The following KIAA1191 variants were observed in gnomAD, a reference collection of about 807,000 sequenced individuals.
KIAA1191 encodes the protein KIAA1191.
Under a neutral mutation model 31.1 loss-of-function variants are expected in KIAA1191, and 22 were observed. That is an observed-to-expected ratio of 0.71 (90% CI 0.51 to 1.01). The LOEUF is 1.01. Among genes scored for constraint, KIAA1191 ranks in the 50% least tolerant of loss-of-function variants. KIAA1191 has a pLI of 0.00. For synonymous variants in KIAA1191, 130 were observed against 143.9 expected (o/e 0.90, Z 0.69); for missense variants, 319 against 388.0 (o/e 0.82, Z 1.49).
Position 176,347,764 on chromosome 5 carries a change from G to T in KIAA1191, c.754C>A (p.Pro252Thr). ...QAYRGAQKPS[P>T]LELIRAQANR... is the part of the protein sequence containing the mutation. ...GCCTGGGCACGTATCAGTTCCAATG[G>T]AGAGGGCTTCTGGGCTCCTCGGTAG... The change falls in exon 9 of 9, where the codon CCA (proline) becomes ACA (threonine). Residue 252 changes from proline (P) to threonine (T), a missense_variant. Physicochemically the swap from Pro to Thr is conservative, Grantham distance 38 (BLOSUM62 -1). Transcript: ENST00000298569. The T allele has an allele frequency of 6.2e-7, 1 of 1,609,232 alleles. No individual in the cohort carries two copies. Among genetic ancestry groups the T allele is most frequent in the Non-Finnish European group, 8.5e-7 (1 of 1,177,826 alleles).
intron 6 of KIAA1191, chr5:176,348,852 T>C (rs963618060): frequency 6.4e-6 from 1 of 157,126 alleles, no homozygotes; most frequent in Non-Finnish European, 1.4e-5. Context: ...CTCCTCCTTC[T>C]CTCCCATAGT....
In KIAA1191 at chr5:176,346,209, A is replaced by C. The variant is rs1766489737; in HGVS notation, c.*1391T>G. 2 of 152,214 alleles carry C rather than the reference A, an allele frequency of 1.3e-5. No individual in the cohort carries two copies. The highest frequency in any genetic ancestry group is 4.1e-4 in the South Asian group (2 of 4,826). 9.4% of individuals were successfully genotyped at this position (152,214 alleles called of 1,614,324 possible). ...CAGACAAGGTACTATCCAAAACAAAAAGCAGGTATTTGAGACAGTGTTCAA... is the reference window on the plus strand; with the variant it reads ...CAGACAAGGTACTATCCAAAACAAACAGCAGGTATTTGAGACAGTGTTCAA... On this transcript the variant is annotated 3_prime_UTR_variant, in exon 9 of 9. Coordinates refer to ENST00000298569, the MANE Select transcript of KIAA1191 (RefSeq NM_020444.5).
intron 5 of KIAA1191, 141 bp from the exon 6 acceptor site, chr5:176,350,878 G>A: frequency 9.8e-7 from 1 of 1,018,490 alleles, no homozygotes; most frequent in African/African-American, 1.6e-5. Context: ...TCCCCAGAGA[G>A]GCACCACAGC....
In KIAA1191 at chr5:176,351,328, A is replaced by G. The variant is rs551763257; in HGVS notation, c.335-591T>C. Among the ~76,000 whole-genome samples the G allele has an allele frequency of 9.9e-5, 15 of 151,220 alleles. No individual in the cohort carries two copies. In the South Asian group the frequency reaches 1.7e-3, roughly 17 times the overall value. ...TGCACTCCAGCCTGGGCGACAGAGC[A>G]AGACTCCATCTCAAAAAAAAAAAAA... On this transcript the variant is annotated intron_variant, in intron 5 of 8. Coordinates refer to ENST00000298569, the MANE Select transcript of KIAA1191 (RefSeq NM_020444.5).
chr5:176,347,639 T>C lies in KIAA1191; in HGVS notation c.879A>G (p.Lys293=), dbSNP rs776323458. 1 of 1,539,870 alleles carries C rather than the reference T, an allele frequency of 6.5e-7. No homozygotes were observed. Among genetic ancestry groups the C allele is most frequent in the Non-Finnish European group, 8.7e-7 (1 of 1,145,896 alleles). ...GTGTGAGCACATTCAGGTCACGGGG[T>C]TTGAGGTTATGGGCCCGTGGTGGCT... ...KKQPPRAHNL[K]PRDLNVLTPT... The change falls in exon 9 of 9, where the codon AAA becomes AAG. Residue 293 remains lysine (K), a synonymous_variant. Coordinates refer to ENST00000298569, the MANE Select transcript of KIAA1191 (RefSeq NM_020444.5).
In KIAA1191 at chr5:176,361,053, T is replaced by TATTG. The variant is rs1767960919; in HGVS notation, c.-168+548_-168+549insCAAT. The stretch of plus-strand genomic sequence containing the variant: ...ACAGAGCAAACAAGTTATTGATAGT[T>TATTG]CTTCACTAACGAGCATCGCAAAGGC... On this transcript the variant is annotated intron_variant, in intron 1 of 8. Transcript: ENST00000298569. The surrounding 1 kb of genome is among the most constrained non-coding windows in gnomAD (Gnocchi z 4.0). The TATTG allele has an allele frequency of 6.6e-6, 1 of 152,154 alleles. No individual in the cohort carries two copies. The highest frequency in any genetic ancestry group is 2.4e-5 in the African/African-American group (1 of 41,400). The allele number at this position is 152,154 out of a possible 1,614,324, so 9.4% of individuals were successfully genotyped here.
intron 3 of KIAA1191, among the ~76,000 whole-genome samples, chr5:176,356,942 G>A (rs1767554089): frequency 6.6e-6 from 1 of 152,166 alleles, no homozygotes; most frequent in African/African-American, 2.4e-5. Context: ...GAGGTTGCCA[G>A]GGAGTGGGTG....
chr5:176,350,754 T>A lies in KIAA1191; in HGVS notation c.335-17A>T. The A allele has an allele frequency of 6.2e-7, 1 of 1,613,320 alleles. No homozygotes were observed. Among genetic ancestry groups the A allele is most frequent in the Non-Finnish European group, 8.5e-7 (1 of 1,179,798 alleles). On this transcript the variant is annotated splice_polypyrimidine_tract_variant and intron_variant, in intron 5 of 8. Coordinates refer to ENST00000298569, the MANE Select transcript of KIAA1191 (RefSeq NM_020444.5). ...GGGTCTGTTCTGGGAACAGAGGAGATGACAGTCATGCCCATTCCCCTCTCC... is the reference window on the plus strand; with the variant it reads ...GGGTCTGTTCTGGGAACAGAGGAGAAGACAGTCATGCCCATTCCCCTCTCC...
chr5:176,356,381 G>A (rs1767509415), intron 3 of KIAA1191, among the ~76,000 whole-genome samples: 1 of 152,200 alleles, frequency 6.6e-6, no homozygotes, highest in Non-Finnish European at 1.5e-5. Flanking sequence ...GGGGTAAAGT[G>A]ACCTTCCCAA....
chr5:176,359,618 T>C, intron 2 of KIAA1191, 51 bp from the exon 3 acceptor site: 1 of 870,720 alleles, frequency 1.1e-6, no homozygotes, highest in Middle Eastern at 2.2e-4. Context: ...ACCAATGCTG[T>C]TCTTCTGGCA....
chr5:176,348,611 T>C (rs1168041598), intron 6 of KIAA1191, among the ~76,000 whole-genome samples: 1 of 151,282 alleles, frequency 6.6e-6, no homozygotes, highest in South Asian at 2.1e-4. Flanking sequence ...CTACAACTTT[T>C]ACTTTCAGAA....
Position 176,348,316 on chromosome 5 carries a change from C to T in KIAA1191, c.500G>A (p.Arg167Lys). Residue 167 changes from arginine to lysine, a missense_variant, in exon 7 of 9, where the codon AGG (arginine) becomes AAG (lysine). Physicochemically the swap from Arg to Lys is conservative, Grantham distance 26. Coordinates refer to ENST00000298569, the MANE Select transcript of KIAA1191 (RefSeq NM_020444.5). ...GGTGGACTGGGCTGATGCAGGCTGC[C>T]TCTCTTCTTTTGTTACCTCTCCACT... is the stretch of plus-strand genomic sequence containing the variant. ...LQSGEVTKEE[R>K]QPASAQSTPS... The T allele has an allele frequency of 1.9e-6, 3 of 1,613,628 alleles. No individual in the cohort carries two copies. Among genetic ancestry groups the T allele is most frequent in the Non-Finnish European group, 2.5e-6 (3 of 1,179,912 alleles).
At chr5:176,349,509 A>G (rs1766806106) in intron 6 of KIAA1191, among the ~76,000 whole-genome samples, 1 of 152,138 alleles carries the variant, frequency 6.6e-6, no homozygotes, top group Non-Finnish European at 1.5e-5. Flanking sequence ...GTGAAATCCC[A>G]TCTCTACTAA....
chr5:176,357,922 G>C (rs1466805686), intron 3 of KIAA1191, among the ~76,000 whole-genome samples: 1 of 151,800 alleles, frequency 6.6e-6, no homozygotes. Context: ...ATGCATTCTG[G>C]GCAGTAAATA....
At chr5:176,358,928 C>CA (rs1767733337) in intron 3 of KIAA1191, among the ~76,000 whole-genome samples, 1 of 151,008 alleles carries the variant, frequency 6.6e-6, no homozygotes, top group Admixed American at 6.6e-5. Context: ...ACTAAAAATA[C>CA]AAAAAATTAG....
chr5:176,361,737 T>C lies in KIAA1191; in HGVS notation c.-303A>G, dbSNP rs1310790344. 6.6e-6 allele frequency: 1 copy of C among 152,118 alleles called. No homozygotes were observed. The highest frequency in any genetic ancestry group is 1.9e-4 in the East Asian group (1 of 5,170). The allele number at this position is 152,118 out of a possible 1,614,324, so 9.4% of individuals were successfully genotyped here. A position where few individuals can be genotyped will look rare whatever the true frequency, so the allele number is the denominator to read the frequency against. On this transcript the variant is annotated 5_prime_UTR_variant, in exon 1 of 9. Transcript: ENST00000298569. This position sits in a 1 kb window ranked among gnomAD's most constrained non-coding sequence, Gnocchi z 4.0. ...GTGAGAGCGGCGGCGATTTCGAAGG[T>C]CCCCAAGACCCACTAGGTAGCAGTA...
In KIAA1191 at chr5:176,355,411, T is replaced by TAA. The variant is rs527939434; in HGVS notation, c.207+158_207+159dup. On this transcript the variant is annotated intron_variant, in intron 4 of 8. Transcript: ENST00000298569. The surrounding 1 kb of genome is among the most constrained non-coding windows in gnomAD (Gnocchi z 4.2). ...TTTTTTAACAAAATAAATAAAATCT[T>TAA]AAAAAAAAAAAAAAGACAGCTATAA... is the stretch of plus-strand genomic sequence containing the variant. Among the ~76,000 whole-genome samples, 2 of 61,504 alleles carry TAA rather than the reference T, an allele frequency of 3.3e-5. No homozygotes were observed. Among genetic ancestry groups the TAA allele is most frequent in the African/African-American group, 1.1e-4 (2 of 18,016 alleles). 40.3% of individuals were successfully genotyped at this position (61,504 alleles called of 152,430 possible). A position where few individuals can be genotyped will look rare whatever the true frequency, so the allele number is the denominator to read the frequency against.
intron 5 of KIAA1191, among the ~76,000 whole-genome samples, chr5:176,351,340 C>T (rs1365931789): frequency 9.3e-6 from 1 of 107,370 alleles, no homozygotes; most frequent in Non-Finnish European, 2.0e-5. Flanking sequence ...GACTCCATCT[C>T]AAAAAAAAAA....
At position 176,355,295 on chromosome 5, in the gene KIAA1191, G is replaced by A. The variant is rs1015792110; in HGVS notation, c.207+276C>T. Among the ~76,000 whole-genome samples, 22 of 151,848 alleles carry A rather than the reference G, an allele frequency of 1.4e-4. No individual in the cohort carries two copies. Among genetic ancestry groups the A allele is most frequent in the Non-Finnish European group, 2.9e-5 (2 of 67,986 alleles). ...CTATTGGGTACACTGTACACTATTC[G>A]GGTGACGGGTGCACTAAAAGCCCAG... On this transcript the variant is annotated intron_variant, in intron 4 of 8. Transcript: ENST00000298569. The surrounding 1 kb of genome is among the most constrained non-coding windows in gnomAD (Gnocchi z 4.2).
Sources: gnomAD v4.1 joint callset for allele counts (sites outside exome capture counted in the v4.1 genomes callset) on GRCh38, gnomAD v4.1.1 for gene constraint, Gnocchi (gnomAD v3.1) non-coding constraint, MANE v1.5 for transcripts, NCBI Gene and HGNC (gene_info 2026-07-23, HGNC 2026-07-21) for gene names.